Variants in FCRL5 observed in about 807,000 individuals in gnomAD.
The protein encoded by FCRL5 is Fc receptor-like protein 5.
Under a neutral mutation model 92.1 loss-of-function variants are expected in FCRL5, and 79 were observed. That is an observed-to-expected ratio of 0.86 (90% CI 0.72 to 1.03). The LOEUF is 1.03. Among genes scored for constraint, FCRL5 ranks in the 50% least tolerant of loss-of-function variants. The pLI is 0.00. For synonymous variants in FCRL5, 466 were observed against 469.3 expected, an observed-to-expected ratio of 0.99 and a Z score of 0.09; for missense variants, 1,160 against 1,181.1, an observed-to-expected ratio of 0.98 and a Z score of 0.26.
Position 157,520,421 on chromosome 1 carries a change from A to G in FCRL5, c.2632+10T>C. ...TGAACTCAAGCCAAGGTGTGCCCAG[A>G]GTCACCCACCTGCTTTTCTCGAGAG... On this transcript the variant is annotated intron_variant, in intron 12 of 16. Coordinates refer to ENST00000361835, the MANE Select transcript of FCRL5 (RefSeq NM_031281.3). The G allele has an allele frequency of 6.4e-7, 1 of 1,562,366 alleles. No homozygotes were observed. Among genetic ancestry groups the G allele is most frequent in the Non-Finnish European group, 8.7e-7 (1 of 1,148,240 alleles).
At chr1:157,516,954 C>T (rs1428931881) in intron 15 of FCRL5, among the ~76,000 whole-genome samples, 1 of 152,206 alleles carries the variant, frequency 6.6e-6, no homozygotes, top group African/African-American at 2.4e-5. Flanking sequence ...GTTCACATGT[C>T]TCAGAGGGGT....
intron 1 of FCRL5, among the ~76,000 whole-genome samples, chr1:157,551,647 T>C (rs184997516): frequency 9.8e-5 from 15 of 152,362 alleles, no homozygotes; most frequent in African/African-American, 3.6e-4. Context: ...TGTGCATAGA[T>C]ATTACTAAAC....
At chr1:157,520,612 A>C (rs1395359766) in intron 11 of FCRL5, 65 bp from the exon 12 acceptor site, 2 of 1,291,062 alleles carry the variant, frequency 1.5e-6, no homozygotes, top group East Asian at 5.0e-5. Flanking sequence ...CCGCTCCCGG[A>C]AGCTGCTGCC....
intron 12 of FCRL5, among the ~76,000 whole-genome samples, chr1:157,519,983 G>A (rs573201847): frequency 7.2e-5 from 11 of 152,280 alleles, no homozygotes; most frequent in Middle Eastern, 6.8e-3. Flanking sequence ...TCCACAATCC[G>A]TAATCCTTTA....
At position 157,520,426 on chromosome 1, in the gene FCRL5, C is replaced by T; in HGVS notation, c.2632+5G>A. ...TCAAGCCAAGGTGTGCCCAGAGTCACCCACCTGCTTTTCTCGAGAGCCAGC... is the reference window on the plus strand; with the variant it reads ...TCAAGCCAAGGTGTGCCCAGAGTCATCCACCTGCTTTTCTCGAGAGCCAGC... On this transcript the variant is annotated splice_donor_5th_base_variant and intron_variant, in intron 12 of 16. Coordinates refer to ENST00000361835, the MANE Select transcript of FCRL5 (RefSeq NM_031281.3). The T allele has an allele frequency of 6.4e-7, 1 of 1,569,828 alleles. No individual in the cohort carries two copies. The highest frequency in any genetic ancestry group is 8.7e-7 in the Non-Finnish European group (1 of 1,154,902).
In FCRL5 at chr1:157,527,799, G is replaced by C; in HGVS notation, c.1778C>G (p.Ser593Cys). 1 of 1,613,662 alleles carries C rather than the reference G, an allele frequency of 6.2e-7. No individual in the cohort carries two copies. The highest frequency in any genetic ancestry group is 8.5e-7 in the Non-Finnish European group (1 of 1,179,694). Residue 593 changes from serine to cysteine, a missense_variant, in exon 9 of 17, where the codon TCT becomes TGT. Ser to Cys is a moderately radical substitution (Grantham distance 112). Coordinates refer to ENST00000361835, the MANE Select transcript of FCRL5 (RefSeq NM_031281.3). ...ATAAAACCAGTACAGGATTGGGGGA[G>C]AGCCTCTCGGGGCCTCACAGTGAAG... ...LELHCEAPRG[S>C]PPILYWFYHE...
intron 13 of FCRL5, 119 bp from the exon 14 acceptor site, chr1:157,518,901 G>A: frequency 1.5e-6 from 1 of 683,990 alleles, no homozygotes. Context: ...ACATGAACAA[G>A]TACATAACAA....
intron 1 of FCRL5, among the ~76,000 whole-genome samples, chr1:157,551,489 A>T (rs900839242): frequency 3.9e-5 from 6 of 152,184 alleles, no homozygotes; most frequent in Non-Finnish European, 8.8e-5. Context: ...TACAGCATTC[A>T]TTGGTAACTT....
At chr1:157,551,957 AC>A (rs1340733696) in intron 1 of FCRL5, among the ~76,000 whole-genome samples, 1 of 152,208 alleles carries the variant, frequency 6.6e-6, no homozygotes, top group Non-Finnish European at 1.5e-5. Context: ...GCCTTGTCAT[AC>A]AAGGAATAAA....
chr1:157,536,057 T>G (rs1650957168), intron 7 of FCRL5, among the ~76,000 whole-genome samples: 1 of 147,364 alleles, frequency 6.8e-6, no homozygotes, highest in Non-Finnish European at 1.5e-5. Context: ...TTCTCCTGCA[T>G]CAGCCTCCTG....
rs1650886970 is a variant in FCRL5 at position 157,534,812 on chromosome 1, C to T, written c.1483G>A (p.Glu495Lys). 1.2e-6 allele frequency: 2 copies of T among 1,607,598 alleles called. No homozygotes were observed. Among genetic ancestry groups the T allele is most frequent in the Non-Finnish European group, 1.7e-6 (2 of 1,176,834 alleles). Residue 495 changes from glutamate to lysine, a missense_variant, in exon 8 of 17, where the codon GAA becomes AAA. Physicochemically the swap from Glu to Lys is moderately conservative, Grantham distance 56. Transcript: ENST00000361835. Reference protein sequence around the residue: ...FEGATVTLHCEVQRGSPQILY... With the variant: ...FEGATVTLHCKVQRGSPQILY... ...ATTTGTGGGGAACCTCTCTGGACTT[C>T]ACAGTGAAGTGTCACAGTGGCTCCT...
chr1:157,524,649 A>G, intron 9 of FCRL5, 92 bp from the exon 10 acceptor site: 2 of 1,364,058 alleles, frequency 1.5e-6, no homozygotes, highest in Non-Finnish European at 9.9e-7. Flanking sequence ...TGTTTTTCTC[A>G]GTTTTTAATG....
At chr1:157,531,236 A>T (rs955918762) in intron 8 of FCRL5, among the ~76,000 whole-genome samples, 6 of 152,346 alleles carry the variant, frequency 3.9e-5, no homozygotes, top group African/African-American at 1.4e-4. Flanking sequence ...AATATCACTA[A>T]TTATTGGGGA....
At position 157,515,758 on chromosome 1, in the gene FCRL5, GGGAACCCTA is replaced by G; in HGVS notation, c.2845-3_2850del. On this transcript the variant is annotated splice_acceptor_variant and splice_polypyrimidine_tract_variant and coding_sequence_variant and intron_variant, in exon 17 of 17. Coordinates refer to ENST00000361835, the MANE Select transcript of FCRL5 (RefSeq NM_031281.3). LOFTEE classifies it high-confidence loss of function. ...ACCTTAACTTCAGAGTAGATGATAG[GGGAACCCTA>G]GGAGGCAAGAGCACATGCGTGAGGA... 1 of 1,613,990 alleles carries G rather than the reference GGGAACCCTA, an allele frequency of 6.2e-7. No homozygotes were observed. The highest frequency in any genetic ancestry group is 8.5e-7 in the Non-Finnish European group (1 of 1,179,940).
chr1:157,549,517 T>A, intron 2 of FCRL5, 43 bp downstream of exon 2: 1 of 1,589,892 alleles, frequency 6.3e-7, no homozygotes, highest in East Asian at 2.2e-5. Flanking sequence ...GAAGAGACAC[T>A]CTTAACCAGA....
At chr1:157,540,668 T>C (rs1398852421) in intron 6 of FCRL5, among the ~76,000 whole-genome samples, 4 of 152,202 alleles carry the variant, frequency 2.6e-5, no homozygotes, top group Non-Finnish European at 5.9e-5. Flanking sequence ...TTATCTCATA[T>C]CTCATATGCA....
intron 2 of FCRL5, among the ~76,000 whole-genome samples, chr1:157,547,873 C>T (rs1651631664): frequency 6.6e-6 from 1 of 152,206 alleles, no homozygotes; most frequent in Non-Finnish European, 1.5e-5. Context: ...AGAGCCAGAA[C>T]TAATTAAATG....
At chr1:157,527,485 CT>C in intron 9 of FCRL5, 131 bp downstream of exon 9, 1 of 834,360 alleles carries the variant, frequency 1.2e-6, no homozygotes, top group Non-Finnish European at 1.8e-6. Flanking sequence ...GAGATGGAGG[CT>C]GTGTAGGCAC....
At chr1:157,545,759 A>T (rs1651505094) in intron 3 of FCRL5, among the ~76,000 whole-genome samples, 1 of 151,944 alleles carries the variant, frequency 6.6e-6, no homozygotes, top group Non-Finnish European at 1.5e-5. Flanking sequence ...CAATCTCCTG[A>T]CCTCGTGATC....
Sources: allele counts gnomAD v4.1 joint callset (sites outside exome capture counted in the v4.1 genomes callset), GRCh38; gene constraint gnomAD v4.1.1; transcripts MANE v1.5; gene names NCBI Gene and HGNC (gene_info 2026-07-23, HGNC 2026-07-21).